Variants in SESTD1 observed in about 807,000 individuals in gnomAD.
SESTD1 encodes SEC14 domain and spectrin repeat-containing protein 1.
SESTD1 carries 43 observed loss-of-function variants against 101.7 expected under a neutral mutation model. That is an observed-to-expected ratio of 0.42 (90% CI 0.33 to 0.55). The LOEUF (loss-of-function observed/expected upper bound fraction) is 0.55, where lower values mean the gene tolerates loss of function less well. Among genes scored for constraint, SESTD1 ranks in the 20% least tolerant of loss-of-function variants. SESTD1 has a pLI of 0.07. For synonymous variants in SESTD1, 283 were observed against 286.8 expected (o/e 0.99, Z 0.13); for missense variants, 647 against 815.1 (o/e 0.79, Z 2.51).
At chr2:179,149,237 T>A in intron 7 of SESTD1, 60 bp downstream of exon 7, 1 of 1,193,550 alleles carries the variant, frequency 8.4e-7, no homozygotes, top group Non-Finnish European at 1.2e-6. Flanking sequence ...AATAGAGATA[T>A]CTTTTATCAG....
intron 1 of SESTD1, among the ~76,000 whole-genome samples, chr2:179,236,235 C>T (rs995412938): frequency 6.7e-6 from 1 of 150,354 alleles, no homozygotes; most frequent in Non-Finnish European, 1.5e-5. Flanking sequence ...CACCTGTAAT[C>T]CCAGCACTTT....
chr2:179,252,730 T>TACCA (rs2047336590), intron 1 of SESTD1, among the ~76,000 whole-genome samples: 2 of 152,208 alleles, frequency 1.3e-5, no homozygotes, highest in Admixed American at 6.5e-5. Context: ...TTAGTACAGA[T>TACCA]ACCACACCTG....
chr2:179,167,324 A>T (rs1490076639), intron 5 of SESTD1, among the ~76,000 whole-genome samples: 1 of 152,234 alleles, frequency 6.6e-6, no homozygotes, highest in Non-Finnish European at 1.5e-5. Flanking sequence ...GAAAATACCT[A>T]AACTGAAACA....
chr2:179,190,653 A>G (rs1251405290), intron 2 of SESTD1, among the ~76,000 whole-genome samples: 5 of 152,206 alleles, frequency 3.3e-5, no homozygotes, highest in Non-Finnish European at 4.4e-5. Flanking sequence ...AAGGCCTAAT[A>G]CCAAGAATCC....
In SESTD1 at chr2:179,107,653, T is replaced by TAAAACATACTTC. The variant is rs2044413402; in HGVS notation, c.*2234_*2245dup. ...AGTTCTAACTTTAAAAAAGTATGTT[T>TAAAACATACTTC]AAAACATACTTCAGACTGCAATGTA... is the stretch of plus-strand genomic sequence containing the variant. On this transcript the variant is annotated 3_prime_UTR_variant, in exon 18 of 18. Transcript: ENST00000428443. The TAAAACATACTTC allele has an allele frequency of 6.6e-6, 1 of 152,154 alleles. No individual in the cohort carries two copies. 9.4% of individuals were successfully genotyped at this position (152,154 alleles called of 1,614,324 possible).
intron 1 of SESTD1, among the ~76,000 whole-genome samples, chr2:179,196,044 C>G (rs949483634): frequency 6.6e-6 from 1 of 152,096 alleles, no homozygotes; most frequent in African/African-American, 2.4e-5. Context: ...ATCTGAGGTA[C>G]CGGGTTCATC....
Position 179,251,312 on chromosome 2 carries a change from ATCTTGC to A in SESTD1, c.-26+13181_-26+13186del, listed in dbSNP as rs201305626. ...GTGGCCACAGAAAGAAACTCTTTAT[ATCTTGC>A]TACACATGGGTGGGAAACTTACCCG... On this transcript the variant is annotated intron_variant, in intron 1 of 17. Coordinates refer to ENST00000428443, the MANE Select transcript of SESTD1 (RefSeq NM_178123.5). Among the ~76,000 whole-genome samples the A allele has an allele frequency of 9.3e-3, 1,424 of 152,326 alleles. 16 individuals are homozygous for A. The highest frequency in any genetic ancestry group is 0.015 in the Non-Finnish European group (1,046 of 68,008).
At chr2:179,135,254 A>C (rs1001170564) in intron 9 of SESTD1, among the ~76,000 whole-genome samples, 2 of 152,022 alleles carry the variant, frequency 1.3e-5, no homozygotes, top group African/African-American at 2.4e-5. Context: ...CAAACTGACT[A>C]TTGTTTTTAA....
At chr2:179,225,356 T>C (rs1382902379) in intron 1 of SESTD1, among the ~76,000 whole-genome samples, 19 of 152,184 alleles carry the variant, frequency 1.2e-4, no homozygotes, top group Admixed American at 1.2e-3. Flanking sequence ...ATTAATGTAG[T>C]AACCTTTACT....
chr2:179,214,138 C>T (rs1409851166), intron 1 of SESTD1, among the ~76,000 whole-genome samples: 1 of 133,970 alleles, frequency 7.5e-6, no homozygotes, highest in Non-Finnish European at 1.6e-5. Flanking sequence ...CAATATTAAC[C>T]TTAAATGTAA....
At chr2:179,147,739 T>C (rs961704915) in intron 7 of SESTD1, among the ~76,000 whole-genome samples, 1 of 152,194 alleles carries the variant, frequency 6.6e-6, no homozygotes, top group Non-Finnish European at 1.5e-5. Context: ...ATCTGCAATA[T>C]TCACAGTCAT....
At chr2:179,192,138 G>A (rs775915905) in intron 1 of SESTD1, among the ~76,000 whole-genome samples, 7 of 152,130 alleles carry the variant, frequency 4.6e-5, no homozygotes, top group Non-Finnish European at 8.8e-5. Flanking sequence ...CCTCTGGTAG[G>A]CAAAATCACA....
chr2:179,198,512 GCAC>G (rs1448986981), intron 1 of SESTD1, among the ~76,000 whole-genome samples: 1 of 151,898 alleles, frequency 6.6e-6, no homozygotes, highest in East Asian at 1.9e-4. Context: ...ATTTTTTTCA[GCAC>G]CACACCACAC....
Position 179,261,844 on chromosome 2 carries a change from T to C in SESTD1, c.-26+2655A>G, listed in dbSNP as rs150046139. 5.6e-3 allele frequency among the ~76,000 whole-genome samples: 857 copies of C among 152,230 alleles called. 9 individuals carry two copies. Among genetic ancestry groups the C allele is most frequent in the African/African-American group, 0.02 (812 of 41,546 alleles). The stretch of plus-strand genomic sequence containing the variant: ...CCTCAGAAAGTAAACAGAATTACCA[T>C]ATAACCCAGCAATTACACATCTAGG... On this transcript the variant is annotated intron_variant, in intron 1 of 17. Transcript: ENST00000428443.
chr2:179,115,032 A>G, intron 16 of SESTD1, 33 bp downstream of exon 16: 1 of 1,579,822 alleles, frequency 6.3e-7, no homozygotes, highest in Non-Finnish European at 8.6e-7. Context: ...AATCAATACC[A>G]CTGAGAATAA....
chr2:179,225,653 T>G (rs1426012126), intron 1 of SESTD1, among the ~76,000 whole-genome samples: 1 of 152,164 alleles, frequency 6.6e-6, no homozygotes, highest in Non-Finnish European at 1.5e-5. Context: ...GCCCTGTTCC[T>G]CATAGATGGT....
At chr2:179,230,519 AAAATAAAT>A (rs959548007) in intron 1 of SESTD1, among the ~76,000 whole-genome samples, 5 of 152,062 alleles carry the variant, frequency 3.3e-5, no homozygotes, top group Non-Finnish European at 5.9e-5. Flanking sequence ...AGAATGGGCA[AAAATAAAT>A]AAATAAATAA....
In SESTD1 at chr2:179,159,427, T is replaced by C. The variant is rs558629492; in HGVS notation, c.370-8036A>G. Among the ~76,000 whole-genome samples, 52 of 152,296 alleles carry C rather than the reference T, an allele frequency of 3.4e-4. 1 individual carries two copies. The highest frequency in any genetic ancestry group is 1.2e-3 in the African/African-American group (49 of 41,570). ...GATTTCACTGCTGTGAATTTGCTCG[T>C]GAAGACCAAATTCAAATGTGCAAGC... On this transcript the variant is annotated intron_variant, in intron 5 of 17. Coordinates refer to ENST00000428443, the MANE Select transcript of SESTD1 (RefSeq NM_178123.5).
Position 179,200,326 on chromosome 2 carries a change from C to A in SESTD1, c.-25-8460G>T, listed in dbSNP as rs1197368250. On this transcript the variant is annotated intron_variant, in intron 1 of 17. Coordinates refer to ENST00000428443, the MANE Select transcript of SESTD1 (RefSeq NM_178123.5). ...GCTCATGGGTAGGAAGAATCAATAT[C>A]GTGAAAATGGCCATACTGCCCAAGG... is the stretch of plus-strand genomic sequence containing the variant. 2.0e-5 allele frequency among the ~76,000 whole-genome samples: 3 copies of A among 152,024 alleles called. No homozygotes were observed. The East Asian group carries it at 5.8e-4, about 29-fold the overall frequency.
Sources: gnomAD v4.1 joint callset for allele counts (sites outside exome capture counted in the v4.1 genomes callset) on GRCh38, gnomAD v4.1.1 for gene constraint, MANE v1.5 for transcripts, NCBI Gene and HGNC (gene_info 2026-07-23, HGNC 2026-07-21) for gene names.